The following RBFOX2 variants were observed in gnomAD, a reference collection of about 807,000 sequenced individuals.
RBFOX2 encodes the protein RNA binding protein fox-1 homolog 2.
A neutral mutation model predicts 49.1 loss-of-function variants in RBFOX2; 10 were observed. That is an observed-to-expected ratio of 0.20 (90% confidence interval 0.13 to 0.35). The LOEUF (loss-of-function observed/expected upper bound fraction) is 0.35. RBFOX2 is among the 10% of genes least tolerant of loss of function. The pLI is 1.00. For missense variants in RBFOX2, 323 were observed against 486.9 expected, an observed-to-expected ratio of 0.66 and a Z score of 3.17; for synonymous variants, 183 against 187.4, an observed-to-expected ratio of 0.98 and a Z score of 0.19.
chr22:35,818,157 T>C (rs140531493), intron 1 of RBFOX2, among the ~76,000 whole-genome samples: 50 of 152,340 alleles, frequency 3.3e-4, no homozygotes, highest in African/African-American at 1.2e-3. Flanking sequence ...ATAGTCTTAA[T>C]ATTTCCAACC....
chr22:35,844,922 C>T (rs1320725734), upstream of RBFOX2, among the ~76,000 whole-genome samples: 1 of 152,008 alleles, frequency 6.6e-6, no homozygotes, highest in Non-Finnish European at 1.5e-5. Context: ...AGATTCTAGA[C>T]AAAATAATAC....
intron 9 of RBFOX2, 36 bp from the exon 11 acceptor site, chr22:35,756,180 A>C: frequency 6.7e-7 from 1 of 1,485,762 alleles, no homozygotes; most frequent in South Asian, 1.3e-5. Flanking sequence ...AAACAAAAAA[A>C]ACAAAAGAAC....
At chr22:35,879,840 A>C (rs2045644029) in intron 1 of RBFOX2, among the ~76,000 whole-genome samples, 3 of 152,180 alleles carry the variant, frequency 2.0e-5, no homozygotes, top group Admixed American at 1.3e-4. Flanking sequence ...AGAAGATGGA[A>C]TACCGAACCA....
intron 2 of RBFOX2, among the ~76,000 whole-genome samples, chr22:35,793,368 T>C (rs971265417): frequency 6.6e-6 from 1 of 152,194 alleles, no homozygotes. Context: ...AATGAAACTC[T>C]GTCTCAAAAA....
chr22:35,804,006 G>A (rs1479607042), intron 2 of RBFOX2, among the ~76,000 whole-genome samples: 1 of 152,222 alleles, frequency 6.6e-6, no homozygotes, highest in Non-Finnish European at 1.5e-5. Flanking sequence ...TTGGCTGGGC[G>A]CAGTGGCTCA....
intron 1 of RBFOX2, among the ~76,000 whole-genome samples, chr22:35,864,973 T>A (rs1445154691): frequency 6.6e-6 from 1 of 152,256 alleles, no homozygotes; most frequent in Non-Finnish European, 1.5e-5. Flanking sequence ...CCTACTTTAA[T>A]CTTAGGTTTA....
At chr22:36,028,287 G>A in exon 1 of RBFOX2, 3 of 1,533,064 alleles carry the variant, frequency 2.0e-6, no homozygotes, top group Non-Finnish European at 2.6e-6. Context: ...GTGCGCGGCC[G>A]CTTGCTCAGG....
intron 1 of RBFOX2, among the ~76,000 whole-genome samples, chr22:35,914,429 A>G (rs2050179231): frequency 6.6e-6 from 1 of 152,222 alleles, no homozygotes; most frequent in South Asian, 2.1e-4. Context: ...GCATAAAGAG[A>G]AGCAAGTCTA....
intron 2 of RBFOX2, among the ~76,000 whole-genome samples, chr22:35,789,731 T>C (rs749661939): frequency 5.3e-5 from 8 of 152,136 alleles, no homozygotes; most frequent in Non-Finnish European, 8.8e-5. Flanking sequence ...TCTGAGCATA[T>C]AAATGTAATT....
chr22:35,907,220 T>TC (rs1441397028), intron 1 of RBFOX2, among the ~76,000 whole-genome samples: 4 of 152,184 alleles, frequency 2.6e-5, no homozygotes, highest in African/African-American at 9.6e-5. Flanking sequence ...TGTACACGCT[T>TC]CCCCAGAAAA....
At chr22:35,864,380 A>G (rs1207398371) in intron 1 of RBFOX2, among the ~76,000 whole-genome samples, 1 of 152,216 alleles carries the variant, frequency 6.6e-6, no homozygotes, top group African/African-American at 2.4e-5. Flanking sequence ...TAAGTTACTC[A>G]GTCCAGGTCA....
chr22:35,865,134 CATGGATGGATGG>C (rs892912559), intron 1 of RBFOX2, among the ~76,000 whole-genome samples: 5 of 151,986 alleles, frequency 3.3e-5, no homozygotes, highest in African/African-American at 7.3e-5. Context: ...ATACTACATA[CATGGATGGATGG>C]ATGGATGGAT....
chr22:36,007,873 G>A (rs2058676175), intron 1 of RBFOX2, among the ~76,000 whole-genome samples: 1 of 152,042 alleles, frequency 6.6e-6, no homozygotes, highest in South Asian at 2.1e-4. Flanking sequence ...ATATTCCACT[G>A]TATGAATGTA....
At chr22:35,894,048 C>A (rs756701377) in intron 1 of RBFOX2, among the ~76,000 whole-genome samples, 2 of 152,062 alleles carry the variant, frequency 1.3e-5, no homozygotes, top group Non-Finnish European at 2.9e-5. Flanking sequence ...TCTATTATTT[C>A]CCCTGACATT....
intron 1 of RBFOX2, among the ~76,000 whole-genome samples, chr22:35,988,518 A>G (rs890409638): frequency 3.9e-5 from 6 of 152,170 alleles, no homozygotes; most frequent in Admixed American, 2.6e-4. Flanking sequence ...AAATTCAGTA[A>G]AAGATTCCCA....
chr22:35,768,476 CAA>C lies in RBFOX2; in HGVS notation c.454-129_454-128del, dbSNP rs1160739836. On this transcript the variant is annotated intron_variant, in intron 4 of 11. Transcript: ENST00000405409. ...CAGCAACAACTCAGCAATAATCTCC[CAA>C]AGTCACATTTTTGGTCCATGCATAT... 2.0e-5 allele frequency: 15 copies of C among 761,234 alleles called. No individual in the cohort carries two copies. In the East Asian group the frequency reaches 4.0e-4, roughly 20 times the overall value. 47.2% of individuals were successfully genotyped at this position (761,234 alleles called of 1,614,324 possible). A position where few individuals can be genotyped will look rare whatever the true frequency, so the allele number is the denominator to read the frequency against.
intron 1 of RBFOX2, among the ~76,000 whole-genome samples, chr22:35,909,238 G>A (rs951529246): frequency 2.0e-5 from 3 of 152,112 alleles, no homozygotes; most frequent in East Asian, 1.9e-4. Context: ...TGAGAGGATC[G>A]CTTGGGGCCA....
chr22:35,814,013 T>C (rs1254039008), intron 1 of RBFOX2, among the ~76,000 whole-genome samples: 1 of 152,210 alleles, frequency 6.6e-6, no homozygotes, highest in Admixed American at 6.5e-5. Flanking sequence ...GCTTTAAGAG[T>C]TGTTGACCAG....
At chr22:35,966,601 T>G (rs1232094060), upstream of RBFOX2, among the ~76,000 whole-genome samples, 1 of 152,184 alleles carries the variant, frequency 6.6e-6, no homozygotes, top group Non-Finnish European at 1.5e-5. Context: ...GACCATTTTT[T>G]GGAACATTTG....
Sources: allele counts gnomAD v4.1 joint callset (sites outside exome capture counted in the v4.1 genomes callset), GRCh38; gene constraint gnomAD v4.1.1; transcripts MANE v1.5; gene names NCBI Gene and HGNC (gene_info 2026-07-23, HGNC 2026-07-21).